The following AKAP13 variants were observed in gnomAD, a reference collection of about 807,000 sequenced individuals.
The protein encoded by AKAP13 is A-kinase anchor protein 13.
A neutral mutation model predicts 264.5 loss-of-function variants in AKAP13; 80 were observed. The ratio of observed to expected loss-of-function variants is 0.30; its 90% confidence interval spans 0.25 to 0.36. The LOEUF (loss-of-function observed/expected upper bound fraction) is 0.36, where lower values mean the gene tolerates loss of function less well. AKAP13 is among the 10% of genes least tolerant of loss of function. AKAP13 has a pLI of 1.00. For missense variants in AKAP13, 3,712 were observed against 3,435.2 expected (o/e 1.08, Z -2.01); for synonymous variants, 1,380 against 1,250.2 (o/e 1.10, Z -2.19).
At chr15:85,690,491 G>C (rs539494836) in intron 16 of AKAP13, among the ~76,000 whole-genome samples, 1 of 152,280 alleles carries the variant, frequency 6.6e-6, no homozygotes, top group East Asian at 1.9e-4. Flanking sequence ...TTTTCACTCA[G>C]AACAGCTTCC....
At chr15:85,549,609 T>C (rs2077880573) in intron 5 of AKAP13, among the ~76,000 whole-genome samples, 1 of 152,186 alleles carries the variant, frequency 6.6e-6, no homozygotes. Flanking sequence ...TTAAAGTAAC[T>C]AGTCCAAGGC....
chr15:85,647,860 G>A (rs1189934280), intron 10 of AKAP13, among the ~76,000 whole-genome samples: 1 of 151,974 alleles, frequency 6.6e-6, no homozygotes, highest in African/African-American at 2.4e-5. Flanking sequence ...CCCGGGAGGC[G>A]GAGCTTGCAG....
chr15:85,526,292 C>T (rs1324423961), intron 3 of AKAP13, among the ~76,000 whole-genome samples: 2 of 152,120 alleles, frequency 1.3e-5, no homozygotes, highest in African/African-American at 4.8e-5. Flanking sequence ...CAGAGTCTCA[C>T]TCTTTTGTCC....
In AKAP13 at chr15:85,679,109, C is replaced by T. The variant is rs957226246; in HGVS notation, c.5102-3049C>T. Among the ~76,000 whole-genome samples, 14 of 151,916 alleles carry T rather than the reference C, an allele frequency of 9.2e-5. No homozygotes were observed. In the East Asian group the frequency reaches 1.6e-3, roughly 17 times the overall value. On this transcript the variant is annotated intron_variant, in intron 14 of 36. Coordinates refer to ENST00000394518, the MANE Select transcript of AKAP13 (RefSeq NM_007200.5). Reference sequence around the variant, plus strand: ...CAAAAAAATTAGCCGGGTGTGGTTGCGGGCTCCTGTAATCCCAGCTATTCA... The same window carrying T: ...CAAAAAAATTAGCCGGGTGTGGTTGTGGGCTCCTGTAATCCCAGCTATTCA...
chr15:85,421,912 T>C (rs528476862), intron 1 of AKAP13, among the ~76,000 whole-genome samples: 1 of 152,386 alleles, frequency 6.6e-6, no homozygotes, highest in East Asian at 1.9e-4. Context: ...CCATTCGTGC[T>C]CCATAAGGGA....
chr15:85,495,762 A>G (rs897035349), intron 2 of AKAP13, among the ~76,000 whole-genome samples: 4 of 152,048 alleles, frequency 2.6e-5, no homozygotes, highest in African/African-American at 7.2e-5. Flanking sequence ...CAGAACCCCA[A>G]CAGATCTGGT....
rs1254829255 is a variant in AKAP13 at position 85,730,698 on chromosome 15, A to G, written c.7273A>G (p.Ile2425Val). 6 of 1,613,318 alleles carry G rather than the reference A, an allele frequency of 3.7e-6. No homozygotes were observed. Among genetic ancestry groups the G allele is most frequent in the Non-Finnish European group, 4.2e-6 (5 of 1,179,408 alleles). The change falls in exon 30 of 37, where the codon ATA (isoleucine) becomes GTA (valine). Residue 2425 changes from isoleucine (I) to valine (V), a missense_variant. By Grantham distance (29) the Ile-to-Val change is conservative. Around this residue, in one of 3 missense-constraint regions of AKAP13, gnomAD observed 611 missense variants for 539.3 expected, o/e 1.13. Transcript: ENST00000394518. Reference protein sequence around the residue: ...LKGGPLMKSAINEVEILQGLV... With the variant: ...LKGGPLMKSAVNEVEILQGLV... Reference sequence around the variant, plus strand: ...AGGAGGACCTTTAATGAAAAGTGCAATAAATGAGGGTAATTAACATTCAGC... The same window carrying G: ...AGGAGGACCTTTAATGAAAAGTGCAGTAAATGAGGGTAATTAACATTCAGC...
intron 1 of AKAP13, among the ~76,000 whole-genome samples, chr15:85,459,540 C>G (rs2074424767): frequency 6.6e-6 from 1 of 151,776 alleles, no homozygotes; most frequent in East Asian, 1.9e-4. Flanking sequence ...CGCTCTGTCG[C>G]CCAGGCTGGA....
chr15:85,580,651 G>T lies in AKAP13; in HGVS notation c.2583G>T (p.Gly861=), dbSNP rs34869156. 4.0e-4 allele frequency: 647 copies of T among 1,614,196 alleles called. 2 individuals carry two copies. In the African/African-American group the frequency reaches 7.4e-3, roughly 18 times the overall value. Residue 861 remains glycine (G), a synonymous_variant, in exon 7 of 37, where the codon GGG becomes GGT. Coordinates refer to ENST00000394518, the MANE Select transcript of AKAP13 (RefSeq NM_007200.5). ...CTGCAGAGCTTCAGCACGGGATGGG[G>T]AATACCAGTCTCACAGGACTTGGTG... The part of the protein sequence containing the change: ...STAAELQHGM[G]NTSLTGLGGE...
chr15:85,716,133 A>G (rs1418685111), intron 20 of AKAP13, among the ~76,000 whole-genome samples: 4 of 152,004 alleles, frequency 2.6e-5, no homozygotes, highest in Admixed American at 2.0e-4. Flanking sequence ...TACCCTTAGC[A>G]GGCTGGTTGC....
At chr15:85,396,436 C>T (rs2071115593) in intron 1 of AKAP13, among the ~76,000 whole-genome samples, 1 of 152,112 alleles carries the variant, frequency 6.6e-6, no homozygotes, top group South Asian at 2.1e-4. Flanking sequence ...GTAGAATTGA[C>T]TCATATACTC....
intron 2 of AKAP13, among the ~76,000 whole-genome samples, chr15:85,496,534 C>T (rs1170078727): frequency 6.6e-6 from 1 of 152,196 alleles, no homozygotes; most frequent in East Asian, 1.9e-4. Context: ...TTTGAAGGGC[C>T]ACAGAAATTA....
At chr15:85,459,202 T>C (rs2074407598) in intron 1 of AKAP13, among the ~76,000 whole-genome samples, 1 of 152,208 alleles carries the variant, frequency 6.6e-6, no homozygotes. Flanking sequence ...ATCTACTTTT[T>C]CTTTCCTTCG....
intron 14 of AKAP13, among the ~76,000 whole-genome samples, chr15:85,672,631 A>G (rs2083991836): frequency 6.6e-6 from 1 of 152,252 alleles, no homozygotes. Flanking sequence ...TGGTACACTC[A>G]AAATATTTTA....
rs1208042254 is a variant in AKAP13 at position 85,746,976 on chromosome 15, T to C, written c.*2299T>C. 1.3e-5 allele frequency: 2 copies of C among 152,254 alleles called. No individual in the cohort carries two copies. Among genetic ancestry groups the C allele is most frequent in the Non-Finnish European group, 2.9e-5 (2 of 68,036 alleles). The allele number at this position is 152,254 out of a possible 1,614,324, so 9.4% of individuals were successfully genotyped here. ...TCGCCACAGAGCTTGACATCAATGT[T>C]AGAGGGTCTCTTACTCCCCGCCCAG... On this transcript the variant is annotated 3_prime_UTR_variant, in exon 37 of 37. Coordinates refer to ENST00000394518, the MANE Select transcript of AKAP13 (RefSeq NM_007200.5).
chr15:85,587,177 C>A (rs140272472), intron 8 of AKAP13, among the ~76,000 whole-genome samples: 1 of 152,192 alleles, frequency 6.6e-6, no homozygotes, highest in Admixed American at 6.5e-5. Context: ...ACTCTTCCCT[C>A]CCCCAGCTCA....
At chr15:85,585,563 C>A in intron 7 of AKAP13, 139 bp from the exon 8 acceptor site, 1 of 1,217,646 alleles carries the variant, frequency 8.2e-7, no homozygotes, top group Non-Finnish European at 1.2e-6. Context: ...TGACACTAGC[C>A]GCTGACAACA....
At chr15:85,405,159 G>A (rs1379914126) in intron 1 of AKAP13, among the ~76,000 whole-genome samples, 1 of 152,046 alleles carries the variant, frequency 6.6e-6, no homozygotes, top group African/African-American at 2.4e-5. Flanking sequence ...ACTTAGTTTT[G>A]TCTTGGTGTC....
At chr15:85,675,855 T>A (rs888409590) in intron 14 of AKAP13, among the ~76,000 whole-genome samples, 1 of 152,082 alleles carries the variant, frequency 6.6e-6, no homozygotes, top group Admixed American at 6.5e-5. Context: ...GAATAATGAT[T>A]AGAACACTTC....
Sources: gnomAD v4.1 joint callset for allele counts (sites outside exome capture counted in the v4.1 genomes callset) on GRCh38, gnomAD v4.1.1 for gene constraint, gnomAD v4.1.1 regional missense constraint, MANE v1.5 for transcripts, NCBI Gene and HGNC (gene_info 2026-07-23, HGNC 2026-07-21) for gene names.